Variants in KNDC1 observed in about 807,000 individuals in gnomAD.
The protein encoded by KNDC1 is kinase non-catalytic C-lobe domain containing 1.
In KNDC1, 106 loss-of-function variants were observed where a neutral mutation model predicts 172.8. The observed-to-expected ratio is 0.61, with a 90% CI of 0.52 to 0.72. The LOEUF is 0.72. Among genes scored for constraint, KNDC1 ranks in the 30% least tolerant of loss-of-function variants. KNDC1 has a pLI of 0.00. For missense variants in KNDC1, 2,325 were observed against 2,394.5 expected (o/e 0.97, Z 0.61); for synonymous variants, 1,083 against 1,062.2 (o/e 1.02, Z -0.38).
rs540675763 is a variant in KNDC1, at chr10:133,189,610, T to C, written c.1454T>C (p.Leu485Pro). The C allele has an allele frequency of 8.1e-6, 13 of 1,613,586 alleles. No homozygotes were observed. In the African/African-American group the frequency reaches 1.6e-4, roughly 20 times the overall value. Residue 485 changes from leucine (L) to proline (P), a missense_variant, in exon 8 of 30, where the codon CTG (leucine) becomes CCG (proline). Transcript: ENST00000304613. ...TRPEHPAYLC[L>P]DSVLVAEDGA... ...AGCTCTGCCACAGCCTACCTGTGTC[T>C]GGACTCCGTGCTGGTTGCTGAGGAC...
intron 14 of KNDC1, 89 bp downstream of exon 14, chr10:133,199,355 GC>G (rs1854298677): frequency 2.4e-5 from 37 of 1,560,214 alleles, no homozygotes; most frequent in Middle Eastern, 1.7e-4. Flanking sequence ...CCTTCCCCCA[GC>G]CCCCCAGCCG....
intron 6 of KNDC1, 114 bp downstream of exon 6, chr10:133,186,788 T>G: frequency 1.4e-6 from 1 of 732,556 alleles, no homozygotes; most frequent in South Asian, 2.0e-5. Flanking sequence ...ACCTTCACCC[T>G]CGCTCCATAA....
chr10:133,191,184 C>T (rs1009672298), intron 9 of KNDC1, among the ~76,000 whole-genome samples: 3 of 151,744 alleles, frequency 2.0e-5, no homozygotes, highest in Non-Finnish European at 4.4e-5. Flanking sequence ...ACTAAAAATA[C>T]AAAAATTAGC....
rs781094646 is a variant in KNDC1 at position 133,201,713 on chromosome 10, C to T, written c.3202C>T (p.Arg1068Ter). The change falls in exon 17 of 30, where the codon CGA (arginine) becomes TGA (stop). Residue 1068 changes from arginine (R) to a stop codon, truncating the protein, a stop_gained. Transcript: ENST00000304613. LOFTEE classifies it high-confidence loss of function. ...GGASDVEAVT[R>*]LARSKGVGPA... The stretch of plus-strand genomic sequence containing the variant: ...GGCCTCAGACGTGGAGGCAGTGACC[C>T]GACTGGCCAGGTCCAAAGGGGTCGG... 6 of 1,609,570 alleles carry T rather than the reference C, an allele frequency of 3.7e-6. No individual in the cohort carries two copies. Among genetic ancestry groups the T allele is most frequent in the African/African-American group, 1.3e-5 (1 of 74,884 alleles).
At chr10:133,194,950 G>T (rs1355666288) in intron 9 of KNDC1, among the ~76,000 whole-genome samples, 1 of 152,180 alleles carries the variant, frequency 6.6e-6, no homozygotes, top group African/African-American at 2.4e-5. Context: ...CGCTCAGAGG[G>T]GTGCCCCGAA....
At chr10:133,214,187 G>C in intron 26 of KNDC1, 65 bp downstream of exon 26, 1 of 1,570,872 alleles carries the variant, frequency 6.4e-7, no homozygotes, top group Non-Finnish European at 8.7e-7. Flanking sequence ...GGGTGGCAGC[G>C]CCTCCTATAA....
At chr10:133,222,800 AGT>A (rs1234872130) in intron 29 of KNDC1, among the ~76,000 whole-genome samples, 1 of 2,928 alleles carries the variant, frequency 3.4e-4, no homozygotes, top group African/African-American at 8.4e-4. Flanking sequence ...TGCTCTTCCC[AGT>A]GTGTGTGTGT....
At chr10:133,181,834 C>CCACACACA (rs369062586) in intron 3 of KNDC1, among the ~76,000 whole-genome samples, 18 of 138,890 alleles carry the variant, frequency 1.3e-4, no homozygotes, top group African/African-American at 3.9e-4. Flanking sequence ...CCAGGACCGT[C>CCACACACA]CACACACACA....
chr10:133,193,102 G>A (rs112074331), intron 9 of KNDC1, among the ~76,000 whole-genome samples: 1 of 53,004 alleles, frequency 1.9e-5, no homozygotes, highest in Non-Finnish European at 5.7e-5. Context: ...ATACACATAT[G>A]GGGGGGGAAA....
At chr10:133,219,192 A>T (rs1399848538) in intron 28 of KNDC1, 102 bp downstream of exon 28, 4 of 1,411,568 alleles carry the variant, frequency 2.8e-6, no homozygotes, top group Admixed American at 4.0e-5. Flanking sequence ...GGCACCACAG[A>T]GTGTGTGCAG....
chr10:133,167,187 C>T (rs1186206988), intron 1 of KNDC1, 194 bp from the exon 2 acceptor site: 1 of 612,346 alleles, frequency 1.6e-6, no homozygotes, highest in Non-Finnish European at 2.9e-6. Flanking sequence ...ACCAAATGTT[C>T]CGTGGCTCTG....
At chr10:133,193,910 T>C (rs1397227801) in intron 9 of KNDC1, among the ~76,000 whole-genome samples, 1 of 152,202 alleles carries the variant, frequency 6.6e-6, no homozygotes, top group South Asian at 2.1e-4. Flanking sequence ...ATAACAGAGC[T>C]GCAGAATATG....
chr10:133,186,442 C>T lies in KNDC1; in HGVS notation c.1094C>T (p.Pro365Leu), dbSNP rs555521528. The T allele has an allele frequency of 3.0e-5, 49 of 1,612,442 alleles. No individual in the cohort carries two copies. The highest frequency in any genetic ancestry group is 1.3e-4 in the Admixed American group (8 of 59,968). The change falls in exon 6 of 30, where the codon CCG becomes CTG. Residue 365 changes from proline to leucine, a missense_variant. By Grantham distance (98) the Pro-to-Leu change is moderately conservative. Transcript: ENST00000304613. ...FQAQPKCRLW[P>L]EQEPEHQLGR... ...GCTCAGCCCAAATGCAGGCTGTGGC[C>T]GGAGCAGGAGCCGGAACACCAGCTG...
Position 133,198,961 on chromosome 10 carries a change from C to A in KNDC1, c.2453C>A (p.Pro818His). 1 of 1,518,322 alleles carries A rather than the reference C, an allele frequency of 6.6e-7. No individual in the cohort carries two copies. Among genetic ancestry groups the A allele is most frequent in the Non-Finnish European group, 8.8e-7 (1 of 1,135,486 alleles). The allele number at this position is 1,518,322 out of a possible 1,614,324, so 94.1% of individuals were successfully genotyped here. A position where few individuals can be genotyped will look rare whatever the true frequency, so the allele number is the denominator to read the frequency against. ...SGGLRPDALGPTTAHHGPRHP... is the reference protein window; with the variant it reads ...SGGLRPDALGHTTAHHGPRHP... ...GGCCTCAGGCCCGACGCCCTGGGGC[C>A]CACCACGGCCCACCACGGCCCACGC... The change falls in exon 14 of 30, where the codon CCC becomes CAC. Residue 818 changes from proline to histidine, a missense_variant. By Grantham distance (77) the Pro-to-His change is moderately conservative. Coordinates refer to ENST00000304613, the MANE Select transcript of KNDC1 (RefSeq NM_152643.8).
rs976833980 is a variant in KNDC1 at position 133,168,289 on chromosome 10, G to A, written c.337G>A (p.Asp113Asn). The change falls in exon 3 of 30, where the codon GAC becomes AAC. Residue 113 changes from aspartate to asparagine, a missense_variant. Coordinates refer to ENST00000304613, the MANE Select transcript of KNDC1 (RefSeq NM_152643.8). ...PEGAFVPPEF[D>N]VTGNTFEAHI... ...GGGTGCCTTCGTTCCCCCCGAGTTC[G>A]ACGTGACCGGGAACACCTTTGAGGT... 5.6e-6 allele frequency: 9 copies of A among 1,614,040 alleles called. No homozygotes were observed. Among genetic ancestry groups the A allele is most frequent in the Admixed American group, 5.0e-5 (3 of 60,010 alleles).
At chr10:133,200,571 A>G in intron 16 of KNDC1, 111 bp downstream of exon 16, 1 of 853,836 alleles carries the variant, frequency 1.2e-6, no homozygotes, top group South Asian at 2.7e-5. Flanking sequence ...GCACTGCTCC[A>G]GCGGGGCTGC....
chr10:133,198,842 C>A lies in KNDC1; in HGVS notation c.2334C>A (p.Pro778=), dbSNP rs778788705. The change falls in exon 14 of 30, where the codon CCC becomes CCA. Residue 778 remains proline (P), a synonymous_variant. Transcript: ENST00000304613. ...CAGAGGGGGCCTCATCGGCAGCTCC[C>A]GGCTCTCCAGTCCCCGCCCCGCCCA... The part of the protein sequence containing the change: ...NQPEGASSAA[P]GSPVPAPPTK... 10 of 1,599,432 alleles carry A rather than the reference C, an allele frequency of 6.3e-6. No homozygotes were observed. The highest frequency in any genetic ancestry group is 8.5e-6 in the Non-Finnish European group (10 of 1,175,468).
At chr10:133,192,111 T>C (rs529244112) in intron 9 of KNDC1, among the ~76,000 whole-genome samples, 3 of 152,364 alleles carry the variant, frequency 2.0e-5, no homozygotes, top group East Asian at 3.9e-4. Context: ...GCTATTGTTA[T>C]CAAACTACCA....
rs1430186921 is a variant in KNDC1 at position 133,209,788 on chromosome 10, C to G, written c.3795-823C>G. On this transcript the variant is annotated intron_variant, in intron 20 of 29. Coordinates refer to ENST00000304613, the MANE Select transcript of KNDC1 (RefSeq NM_152643.8). This position sits in a 1 kb window ranked among gnomAD's most constrained non-coding sequence, Gnocchi z 4.9. ...CTCGGACCCCAGGTGAGTGGGTGAC[C>G]AGGCCCCTTGTTCCAGGGCCACGCC... Among the ~76,000 whole-genome samples the G allele has an allele frequency of 6.6e-6, 1 of 152,000 alleles. No homozygotes were observed. Among genetic ancestry groups the G allele is most frequent in the African/African-American group, 2.4e-5 (1 of 41,342 alleles).
Sources: gnomAD v4.1 joint callset for allele counts (sites outside exome capture counted in the v4.1 genomes callset) on GRCh38, gnomAD v4.1.1 for gene constraint, Gnocchi (gnomAD v3.1) non-coding constraint, MANE v1.5 for transcripts, NCBI Gene and HGNC (gene_info 2026-07-23, HGNC 2026-07-21) for gene names.